The following MGST1 variants were observed in gnomAD, a reference collection of about 807,000 sequenced individuals.
MGST1 encodes the protein glutathione S-transferase 12.
A neutral mutation model predicts 8.9 loss-of-function variants in MGST1; 5 were observed. The ratio of observed to expected loss-of-function variants is 0.56; its 90% confidence interval spans 0.29 to 1.19. The LOEUF (loss-of-function observed/expected upper bound fraction) is 1.19, where lower values mean the gene tolerates loss of function less well. Among genes scored for constraint, MGST1 ranks in the 50% most tolerant of loss-of-function variants. MGST1 has a pLI of 0.08. For synonymous variants in MGST1, 54 were observed against 67.8 expected, an observed-to-expected ratio of 0.80 and a Z score of 1.00; for missense variants, 182 against 187.4, an observed-to-expected ratio of 0.97 and a Z score of 0.17.
chr12:16,547,610 C>G lies in MGST1; in HGVS notation n.483-41918C>G, dbSNP rs373349533. Among the ~76,000 whole-genome samples, 124 of 152,212 alleles carry G rather than the reference C, an allele frequency of 8.1e-4. 5 individuals carry two copies. In the South Asian group the frequency reaches 0.025, roughly 31 times the overall value. On this transcript the variant is annotated intron_variant and non_coding_transcript_variant, in intron 4 of 4. Transcript: ENST00000538857. The surrounding 1 kb of genome is among the most constrained non-coding windows in gnomAD (Gnocchi z 4.6). Reference sequence around the variant, plus strand: ...GGAGGCTGAATGCTCAGGGAGAGGCCTGTCACATAGTAGGTGCGCAATAAA... The same window carrying G: ...GGAGGCTGAATGCTCAGGGAGAGGCGTGTCACATAGTAGGTGCGCAATAAA...
chr12:16,392,698 C>G (rs550110961), intron 1 of MGST1, among the ~76,000 whole-genome samples: 30 of 152,076 alleles, frequency 2.0e-4, no homozygotes, highest in African/African-American at 7.0e-4. Context: ...TTTTGGAATA[C>G]GGCCAAGTTA....
rs901473933 is a variant in MGST1 at position 16,544,257 on chromosome 12, C to A, written n.483-45271C>A. ...ACACACACACACACACACACACACA[C>A]ACACACAAAACATAACCTACTAGTC... On this transcript the variant is annotated intron_variant and non_coding_transcript_variant, in intron 4 of 4. Coordinates refer to the MGST1 transcript ENST00000538857. This position sits in a 1 kb window ranked among gnomAD's most constrained non-coding sequence, Gnocchi z 4.8. 7.0e-6 allele frequency among the ~76,000 whole-genome samples: 1 copy of A among 141,976 alleles called. No individual in the cohort carries two copies. Among genetic ancestry groups the A allele is most frequent in the Non-Finnish European group, 1.6e-5 (1 of 64,122 alleles). The allele number at this position is 141,976 out of a possible 152,430, so 93.1% of individuals were successfully genotyped here.
At chr12:16,522,949 G>A (rs1941658124) in intron 4 of MGST1, among the ~76,000 whole-genome samples, 1 of 151,784 alleles carries the variant, frequency 6.6e-6, no homozygotes, top group African/African-American at 2.4e-5. Flanking sequence ...TGTATTAAAT[G>A]TTAGTCATTC....
intron 4 of MGST1, among the ~76,000 whole-genome samples, chr12:16,489,535 G>T (rs73320867): frequency 0.013 from 2,049 of 152,202 alleles, 47 homozygotes; most frequent in African/African-American, 0.047. Context: ...TTCTACAATG[G>T]CAAGTTCTTC....
Position 16,363,686 on chromosome 12 carries a change from A to G in MGST1, c.222-109A>G. 1.1e-6 allele frequency: 1 copy of G among 925,848 alleles called. No homozygotes were observed. Among genetic ancestry groups the G allele is most frequent in the Non-Finnish European group, 1.5e-6 (1 of 660,156 alleles). 57.4% of individuals were successfully genotyped at this position (925,848 alleles called of 1,614,324 possible). On this transcript the variant is annotated intron_variant, in intron 3 of 3. Coordinates refer to ENST00000396210, the MANE Select transcript of MGST1 (RefSeq NM_020300.5). The surrounding 1 kb of genome is among the most constrained non-coding windows in gnomAD (Gnocchi z 4.6). ...AGAAAAAAAATAAATCTTACTTTGA[A>G]ATTTAAGGATCCATTAGTGCTCAGA... is the stretch of plus-strand genomic sequence containing the variant.
At chr12:16,492,407 C>T (rs561473070) in intron 4 of MGST1, among the ~76,000 whole-genome samples, 6 of 152,102 alleles carry the variant, frequency 3.9e-5, no homozygotes, top group African/African-American at 7.2e-5. Flanking sequence ...TACATTAGCG[C>T]GGTTTGTGTT....
chr12:16,578,588 C>T (rs544138771), intron 4 of MGST1, among the ~76,000 whole-genome samples: 3 of 152,012 alleles, frequency 2.0e-5, no homozygotes, highest in African/African-American at 4.8e-5. Context: ...GAGGCTGAGG[C>T]GGGTGGATCA....
chr12:16,523,471 T>C (rs1291997242), intron 4 of MGST1, among the ~76,000 whole-genome samples: 1 of 152,040 alleles, frequency 6.6e-6, no homozygotes, highest in East Asian at 1.9e-4. Flanking sequence ...TCCAGGAAGC[T>C]TTCATGCCTG....
chr12:16,390,998 A>G (rs1704687856), intron 1 of MGST1, among the ~76,000 whole-genome samples: 1 of 152,072 alleles, frequency 6.6e-6, no homozygotes. Flanking sequence ...AGTAATAGCC[A>G]TTATGACAGG....
chr12:16,592,612 C>G (rs773147524), downstream of MGST1, among the ~76,000 whole-genome samples: 1 of 151,868 alleles, frequency 6.6e-6, no homozygotes, highest in Non-Finnish European at 1.5e-5. Context: ...AGGTACTGAT[C>G]CACTCATGTT....
intron 4 of MGST1, among the ~76,000 whole-genome samples, chr12:16,534,651 A>C (rs958930582): frequency 6.6e-6 from 1 of 152,226 alleles, no homozygotes; most frequent in Non-Finnish European, 1.5e-5. Flanking sequence ...ATAGACTTGC[A>C]GGACAATAAA....
chr12:16,563,289 A>G (rs1021395236), intron 4 of MGST1, among the ~76,000 whole-genome samples: 2 of 152,328 alleles, frequency 1.3e-5, no homozygotes, highest in East Asian at 1.9e-4. Context: ...AGATCATTCT[A>G]TAGCTACATT....
In MGST1 at chr12:16,389,269, C is replaced by G. The variant is rs957413320; in HGVS notation, n.778+5665C>G. Among the ~76,000 whole-genome samples the G allele has an allele frequency of 3.3e-5, 5 of 152,182 alleles. No individual in the cohort carries two copies. The highest frequency in any genetic ancestry group is 1.2e-4 in the African/African-American group (5 of 41,448). On this transcript the variant is annotated intron_variant and non_coding_transcript_variant, in intron 1 of 1. Transcript: ENST00000359720. This position sits in a 1 kb window ranked among gnomAD's most constrained non-coding sequence, Gnocchi z 4.6. ...ATAGTTTGTTTACTCGATGCATCAA[C>G]AGTTTGTATCTCAACAGTCATTTAT...
At chr12:16,572,339 CTTTTT>C (rs59773866) in intron 4 of MGST1, among the ~76,000 whole-genome samples, 22 of 89,530 alleles carry the variant, frequency 2.5e-4, no homozygotes, top group East Asian at 2.1e-3. Flanking sequence ...GGTCCAAACT[CTTTTT>C]TTTTTTTTTT....
chr12:16,512,207 A>T (rs1207661544), intron 4 of MGST1, among the ~76,000 whole-genome samples: 1 of 152,106 alleles, frequency 6.6e-6, no homozygotes, highest in Non-Finnish European at 1.5e-5. Flanking sequence ...ATACACTGAG[A>T]GCACACAGGG....
chr12:16,352,572 A>G (rs2136926205), intron 1 of MGST1, among the ~76,000 whole-genome samples: 1 of 152,262 alleles, frequency 6.6e-6, no homozygotes, highest in African/African-American at 2.4e-5. Context: ...ATGGCAGAGG[A>G]CTGGAAATGT....
intron 4 of MGST1, among the ~76,000 whole-genome samples, chr12:16,491,348 A>G (rs1021658054): frequency 6.6e-6 from 1 of 152,174 alleles, no homozygotes; most frequent in Non-Finnish European, 1.5e-5. Context: ...AAGCGTGATG[A>G]TTAATTGTTC....
intron 4 of MGST1, among the ~76,000 whole-genome samples, chr12:16,507,716 G>C (rs970816684): frequency 6.6e-6 from 1 of 152,090 alleles, no homozygotes; most frequent in Non-Finnish European, 1.5e-5. Flanking sequence ...AGAGAGAGAA[G>C]GGGGAAGTGC....
At chr12:16,545,447 A>G (rs1488139687) in intron 4 of MGST1, among the ~76,000 whole-genome samples, 1 of 151,972 alleles carries the variant, frequency 6.6e-6, no homozygotes, top group African/African-American at 2.4e-5. Context: ...AGGGCCTTTA[A>G]TTTTTTTCAT....
Sources: gnomAD v4.1 joint callset for allele counts (sites outside exome capture counted in the v4.1 genomes callset) on GRCh38, gnomAD v4.1.1 for gene constraint, Gnocchi (gnomAD v3.1) non-coding constraint, MANE v1.5 for transcripts, NCBI Gene and HGNC (gene_info 2026-07-23, HGNC 2026-07-21) for gene names.